Variants in GLIS3 observed in about 807,000 individuals in gnomAD.
GLIS3 encodes GLIS family zinc finger 3, also known as zinc finger protein GLIS3.
Under a neutral mutation model 78.6 loss-of-function variants are expected in GLIS3, and 53 were observed. That is an observed-to-expected ratio of 0.67 (90% CI 0.54 to 0.85). GLIS3 has a LOEUF of 0.85. GLIS3 is among the 40% of genes least tolerant of loss of function. GLIS3 has a pLI of 0.00. For missense variants in GLIS3, 1,703 were observed against 1,231.1 expected, an observed-to-expected ratio of 1.38 and a Z score of -5.74; for synonymous variants, 684 against 509.9, an observed-to-expected ratio of 1.34 and a Z score of -4.60.
chr9:4,017,281 A>G (rs922400405), intron 4 of GLIS3, among the ~76,000 whole-genome samples: 2 of 152,200 alleles, frequency 1.3e-5, no homozygotes, highest in African/African-American at 4.8e-5. Flanking sequence ...GAGTGGTTTA[A>G]CTGTTCATTG....
intron 2 of GLIS3, among the ~76,000 whole-genome samples, chr9:4,336,720 T>G (rs1042912986): frequency 2.0e-5 from 3 of 152,222 alleles, no homozygotes; most frequent in African/African-American, 7.2e-5. Flanking sequence ...ACGTGCGATG[T>G]TCACTGCTCC....
chr9:3,990,841 C>A (rs1162209289), intron 4 of GLIS3, among the ~76,000 whole-genome samples: 3 of 152,130 alleles, frequency 2.0e-5, no homozygotes, highest in Admixed American at 1.3e-4. Context: ...AATGACAGAA[C>A]TGATTTTCTC....
At chr9:4,428,994 T>G in the GLIS3 span, among the ~76,000 whole-genome samples, 3 of 152,162 alleles carry the variant, frequency 2.0e-5, no homozygotes, top group Admixed American at 2.0e-4. Flanking sequence ...AACCTCATCC[T>G]AGTTCAAACC....
intron 2 of GLIS3, among the ~76,000 whole-genome samples, chr9:4,207,846 G>T (rs1005630055): frequency 1.3e-5 from 2 of 152,190 alleles, no homozygotes; most frequent in Admixed American, 6.5e-5. Flanking sequence ...CAAAGGGAAT[G>T]ATCTTTTTAA....
chr9:4,074,593 A>G (rs1466667866), intron 4 of GLIS3, among the ~76,000 whole-genome samples: 1 of 152,176 alleles, frequency 6.6e-6, no homozygotes, highest in African/African-American at 2.4e-5. Flanking sequence ...ATATTTTATA[A>G]CTGAATCATT....
chr9:4,386,790 G>A, the GLIS3 span, among the ~76,000 whole-genome samples: 1 of 152,286 alleles, frequency 6.6e-6, no homozygotes, highest in East Asian at 1.9e-4. Flanking sequence ...TAGCTAAAGT[G>A]TGAATTGGCC....
At chr9:4,367,423 C>T in the GLIS3 span, among the ~76,000 whole-genome samples, 2 of 151,960 alleles carry the variant, frequency 1.3e-5, no homozygotes. Flanking sequence ...TTCCTTGATC[C>T]CCTAAACTAG....
intron 2 of GLIS3, among the ~76,000 whole-genome samples, chr9:4,194,694 A>C (rs780392723): frequency 1.3e-5 from 2 of 152,190 alleles, no homozygotes; most frequent in Non-Finnish European, 2.9e-5. Context: ...CTCGCTGATA[A>C]AAGTGAGTGA....
chr9:4,471,059 G>A, the GLIS3 span, among the ~76,000 whole-genome samples: 1 of 151,922 alleles, frequency 6.6e-6, no homozygotes, highest in South Asian at 2.1e-4. Context: ...GGATGTGAAG[G>A]ACCTCTTCAA....
intron 5 of GLIS3, 54 bp from the exon 6 acceptor site, chr9:3,932,524 G>A (rs886142709): frequency 1.6e-6 from 2 of 1,269,134 alleles, no homozygotes; most frequent in Admixed American, 1.7e-5. Flanking sequence ...AAGGTAATTG[G>A]GGAATGTTTT....
At chr9:3,898,634 A>G in intron 7 of GLIS3, 57 bp downstream of exon 7, 2 of 1,601,656 alleles carry the variant, frequency 1.2e-6, no homozygotes, top group South Asian at 2.2e-5. Flanking sequence ...CCTTTTAACC[A>G]GAGTAAAAGG....
chr9:4,464,907 C>A, the GLIS3 span, among the ~76,000 whole-genome samples: 1 of 152,108 alleles, frequency 6.6e-6, no homozygotes, highest in Non-Finnish European at 1.5e-5. Context: ...AGAAACCCCC[C>A]AAAATGGTAT....
At chr9:4,303,098 T>G (rs1446924837), upstream of GLIS3, among the ~76,000 whole-genome samples, 1 of 146,362 alleles carries the variant, frequency 6.8e-6, no homozygotes, top group Admixed American at 7.0e-5. Flanking sequence ...GAACTGCTAT[T>G]TGAGTCACCC....
At chr9:4,051,927 G>C (rs1170416876) in intron 4 of GLIS3, among the ~76,000 whole-genome samples, 1 of 152,196 alleles carries the variant, frequency 6.6e-6, no homozygotes, top group African/African-American at 2.4e-5. Context: ...CATGTCGAAT[G>C]TCTATGTATC....
At chr9:4,460,047 C>T in the GLIS3 span, among the ~76,000 whole-genome samples, 1 of 152,066 alleles carries the variant, frequency 6.6e-6, no homozygotes, top group East Asian at 1.9e-4. Flanking sequence ...CCATTCCAAT[C>T]TTTAAAATCC....
the GLIS3 span, among the ~76,000 whole-genome samples, chr9:4,432,918 G>GATCACAGGTGTGAGCTACCACACCCAGCA: frequency 6.6e-6 from 1 of 152,094 alleles, no homozygotes; most frequent in Non-Finnish European, 1.5e-5. Flanking sequence ...CCTGTGCTGG[G>GATCACAGGTGTGAGCTACCACACCCAGCA]ATCACAGGTG....
intron 2 of GLIS3, among the ~76,000 whole-genome samples, chr9:4,322,457 G>C (rs1322966343): frequency 1.3e-5 from 2 of 152,122 alleles, no homozygotes; most frequent in Non-Finnish European, 2.9e-5. Context: ...TCTAGTTCTA[G>C]ATCCTTGAGG....
intron 4 of GLIS3, among the ~76,000 whole-genome samples, chr9:3,967,378 C>G (rs900096278): frequency 2.0e-5 from 3 of 152,040 alleles, no homozygotes; most frequent in Non-Finnish European, 4.4e-5. Context: ...TTGCACGTGC[C>G]TGTAGTCCCA....
chr9:4,240,154 C>A (rs1823155825), intron 2 of GLIS3, among the ~76,000 whole-genome samples: 1 of 141,310 alleles, frequency 7.1e-6, no homozygotes. Flanking sequence ...CATCAGGGAC[C>A]AGTTTCATGG....
Sources: gnomAD v4.1 joint callset for allele counts (sites outside exome capture counted in the v4.1 genomes callset) on GRCh38, gnomAD v4.1.1 for gene constraint, MANE v1.5 for transcripts, NCBI Gene and HGNC (gene_info 2026-07-23, HGNC 2026-07-21) for gene names.